The following CPNE8 variants were observed in gnomAD, a reference collection of about 807,000 sequenced individuals.
The protein encoded by CPNE8 is copine 8.
A neutral mutation model predicts 81.5 loss-of-function variants in CPNE8; 45 were observed. That is an observed-to-expected ratio of 0.55 (90% CI 0.44 to 0.71). The LOEUF (loss-of-function observed/expected upper bound fraction) is 0.71, where lower values mean the gene tolerates loss of function less well. Among genes scored for constraint, CPNE8 ranks in the 30% least tolerant of loss-of-function variants. The pLI, the probability that CPNE8 is intolerant of heterozygous loss-of-function variation, is 0.00. For synonymous variants in CPNE8, 252 were observed against 226.3 expected (o/e 1.11, Z -1.02); for missense variants, 594 against 672.1 (o/e 0.88, Z 1.28).
chr12:38,670,710 G>A lies in CPNE8; in HGVS notation c.1506+19C>T. ...ATATTTTCTAGCAATAGTAAAGTAG[G>A]AAAAGGTTTATTTCTTACCTGCACA... is the stretch of plus-strand genomic sequence containing the variant. On this transcript the variant is annotated intron_variant, in intron 19 of 19. Coordinates refer to ENST00000331366, the MANE Select transcript of CPNE8 (RefSeq NM_153634.3). 1 of 1,559,966 alleles carries A rather than the reference G, an allele frequency of 6.4e-7. No homozygotes were observed. Among genetic ancestry groups the A allele is most frequent in the Admixed American group, 1.8e-5 (1 of 56,718 alleles).
chr12:38,712,621 C>A (rs964772018), intron 13 of CPNE8, among the ~76,000 whole-genome samples: 1 of 152,148 alleles, frequency 6.6e-6, no homozygotes, highest in African/African-American at 2.4e-5. Flanking sequence ...GATAAAGGAA[C>A]TTACTGATAT....
chr12:38,793,364 C>T lies in CPNE8; in HGVS notation c.408-17063G>A, dbSNP rs138992172. ...CACACACACACACACACTGTTAGAA[C>T]TAATAAACAAATTCAAATTTGCAGG... On this transcript the variant is annotated intron_variant, in intron 6 of 19. Transcript: ENST00000331366. 6.5e-4 allele frequency among the ~76,000 whole-genome samples: 97 copies of T among 149,742 alleles called. No individual in the cohort carries two copies. In the East Asian group the frequency reaches 0.016, roughly 25 times the overall value.
At position 38,797,795 on chromosome 12, in the gene CPNE8, C is replaced by T. The variant is rs190233506; in HGVS notation, c.408-21494G>A. On this transcript the variant is annotated intron_variant, in intron 6 of 19. Transcript: ENST00000331366. ...GAACCAATGGCAAAGAAGTTAAAAA[C>T]TTTGAAAAAAATTTAGACGAATGTA... Among the ~76,000 whole-genome samples, 306 of 152,144 alleles carry T rather than the reference C, an allele frequency of 2.0e-3. 5 individuals carry two copies. The highest frequency in any genetic ancestry group is 5.0e-3 in the African/African-American group (208 of 41,516).
At chr12:38,790,155 C>A (rs1401309068) in intron 6 of CPNE8, among the ~76,000 whole-genome samples, 3 of 151,682 alleles carry the variant, frequency 2.0e-5, no homozygotes, top group African/African-American at 7.2e-5. Context: ...CATATCTGCA[C>A]CCCATGTTTG....
intron 6 of CPNE8, among the ~76,000 whole-genome samples, chr12:38,778,079 A>G (rs1941971821): frequency 6.6e-6 from 1 of 152,208 alleles, no homozygotes. Context: ...CACTGATTCT[A>G]CATGACATTG....
chr12:38,661,322 G>A (rs958082923), intron 19 of CPNE8, among the ~76,000 whole-genome samples: 1 of 152,114 alleles, frequency 6.6e-6, no homozygotes, highest in Non-Finnish European at 1.5e-5. Flanking sequence ...CATGGATGAA[G>A]CTGGAAACCA....
chr12:38,653,353 C>G lies in CPNE8; in HGVS notation c.*529G>C, dbSNP rs1938742883. 6.6e-6 allele frequency: 1 copy of G among 152,432 alleles called. No homozygotes were observed. The highest frequency in any genetic ancestry group is 2.4e-5 in the African/African-American group (1 of 41,400). The allele number at this position is 152,432 out of a possible 1,614,324, so 9.4% of individuals were successfully genotyped here. A position where few individuals can be genotyped will look rare whatever the true frequency, so the allele number is the denominator to read the frequency against. Reference sequence around the variant, plus strand: ...AAGCATTTTTCCCTTCCCTTATTTGCAATTGTGTTTGTCCAGACAGTCATT... The same window carrying G: ...AAGCATTTTTCCCTTCCCTTATTTGGAATTGTGTTTGTCCAGACAGTCATT... On this transcript the variant is annotated 3_prime_UTR_variant, in exon 20 of 20. Transcript: ENST00000331366.
At chr12:38,820,467 T>TA (rs1252785750) in intron 6 of CPNE8, among the ~76,000 whole-genome samples, 3 of 152,102 alleles carry the variant, frequency 2.0e-5, no homozygotes, top group African/African-American at 7.2e-5. Context: ...TAGTTTTATT[T>TA]AGAAAACTAA....
chr12:38,654,088 GA>G lies in CPNE8; in HGVS notation c.1507-19del. ...GGCACAAACTAAAACAGAGACGAAA[GA>G]AAGTTATTTCACAGACTTTAGCAGG... On this transcript the variant is annotated intron_variant, in intron 19 of 19. Transcript: ENST00000331366. 1.3e-6 allele frequency: 2 copies of G among 1,571,932 alleles called. No homozygotes were observed. The highest frequency in any genetic ancestry group is 1.7e-6 in the Non-Finnish European group (2 of 1,158,630).
At chr12:38,675,669 T>C in intron 18 of CPNE8, 48 bp downstream of exon 18, 1 of 1,166,326 alleles carries the variant, frequency 8.6e-7, no homozygotes, top group Non-Finnish European at 1.3e-6. Context: ...CATGTTACAT[T>C]AGATTAAATG....
intron 6 of CPNE8, among the ~76,000 whole-genome samples, chr12:38,810,165 G>T (rs968803965): frequency 5.3e-5 from 8 of 152,052 alleles, no homozygotes; most frequent in African/African-American, 1.9e-4. Context: ...AGTCCAAGTT[G>T]GCAGTGCTTC....
At chr12:38,791,040 G>A (rs1942310793) in intron 6 of CPNE8, among the ~76,000 whole-genome samples, 1 of 151,664 alleles carries the variant, frequency 6.6e-6, no homozygotes, top group Admixed American at 6.6e-5. Context: ...CTTCGTTAAT[G>A]CCAAACTGAT....
At chr12:38,781,458 A>G (rs1339484152) in intron 6 of CPNE8, among the ~76,000 whole-genome samples, 1 of 152,116 alleles carries the variant, frequency 6.6e-6, no homozygotes, top group Non-Finnish European at 1.5e-5. Context: ...ATATCTCAGA[A>G]AATAAAACTA....
At chr12:38,906,373 G>GGATT (rs1472962657), upstream of CPNE8, 2 of 985,346 alleles carry the variant, frequency 2.0e-6, no homozygotes, top group African/African-American at 3.5e-5. Context: ...ATACTACTTG[G>GGATT]GATTTAAGGA....
chr12:38,710,367 T>C (rs796327128), intron 13 of CPNE8, among the ~76,000 whole-genome samples: 13 of 149,602 alleles, frequency 8.7e-5, no homozygotes, highest in African/African-American at 2.7e-4. Context: ...AGGTAATGCC[T>C]GCCTAGTAGG....
chr12:38,685,699 A>C (rs1310213274), intron 15 of CPNE8, 82 bp from the exon 16 acceptor site: 5 of 1,419,384 alleles, frequency 3.5e-6, no homozygotes, highest in Non-Finnish European at 4.8e-6. Context: ...AGAGATGAGA[A>C]TAATACACGT....
chr12:38,855,957 C>T (rs1943726364), intron 3 of CPNE8, among the ~76,000 whole-genome samples: 1 of 151,586 alleles, frequency 6.6e-6, no homozygotes, highest in African/African-American at 2.4e-5. Context: ...CAAGCCTTTA[C>T]CTAAACTAAT....
chr12:38,740,826 A>G (rs905789420), intron 10 of CPNE8, among the ~76,000 whole-genome samples: 1 of 152,174 alleles, frequency 6.6e-6, no homozygotes, highest in Admixed American at 6.5e-5. Context: ...ATCGATGTTC[A>G]TCAGGGATAT....
intron 6 of CPNE8, among the ~76,000 whole-genome samples, chr12:38,808,091 A>C (rs1942855600): frequency 6.6e-6 from 1 of 152,106 alleles, no homozygotes; most frequent in Non-Finnish European, 1.5e-5. Flanking sequence ...ATCATTAAAA[A>C]GTCAGGAAAC....
Sources: gnomAD v4.1 joint callset for allele counts (sites outside exome capture counted in the v4.1 genomes callset) on GRCh38, gnomAD v4.1.1 for gene constraint, MANE v1.5 for transcripts, NCBI Gene and HGNC (gene_info 2026-07-23, HGNC 2026-07-21) for gene names.